TASOR2: variants seen among roughly 807,000 people sequenced by gnomAD.
The protein encoded by TASOR2 is protein TASOR 2.
Under a neutral mutation model 199.5 loss-of-function variants are expected in TASOR2, and 84 were observed. The observed-to-expected ratio is 0.42, with a 90% CI of 0.35 to 0.50. TASOR2 has a LOEUF of 0.50. TASOR2 is among the 20% of genes least tolerant of loss of function. The probability of loss-of-function intolerance (pLI) is 0.02; values close to 1 mark genes in which losing one functional copy is unlikely to be tolerated. For synonymous variants in TASOR2, 1,103 were observed against 1,046.6 expected (o/e 1.05, Z -1.04); for missense variants, 2,796 against 2,835.9 (o/e 0.99, Z 0.32).
chr10:5,739,949 T>G, exon 13 of TASOR2: 1 of 1,614,104 alleles, frequency 6.2e-7, no homozygotes, highest in Non-Finnish European at 8.5e-7. Context: ...CTCAAAAAGG[T>G]GAATTACTAC....
rs760594570 is a variant in TASOR2 at position 5,746,867 on chromosome 10, T to A, written c.3446T>A (p.Val1149Asp). 4.3e-6 allele frequency: 7 copies of A among 1,614,066 alleles called. No individual in the cohort carries two copies. In the South Asian group the frequency reaches 5.5e-5, roughly 13 times the overall value. The change falls in exon 15 of 21, where the codon GTC becomes GAC. Residue 1149 changes from valine to aspartate, a missense_variant. By Grantham distance (152) the Val-to-Asp change is radical (BLOSUM62 -3). Transcript: ENST00000328090. ...TTACAGAAGGAGACGCCCCTTCCAGTCTCTCTACCATCTGATAAAACAATG... is the reference window on the plus strand; with the variant it reads ...TTACAGAAGGAGACGCCCCTTCCAGACTCTCTACCATCTGATAAAACAATG...
intron 2 of TASOR2, among the ~76,000 whole-genome samples, chr10:5,716,236 T>C (rs982567439): frequency 6.6e-6 from 1 of 152,236 alleles, no homozygotes; most frequent in Non-Finnish European, 1.5e-5. Context: ...TATTCTGTTA[T>C]GTGGCCATAC....
intron 15 of TASOR2, 100 bp from the exon 17 acceptor site, chr10:5,756,513 C>T: frequency 8.6e-7 from 1 of 1,156,444 alleles, no homozygotes; most frequent in Non-Finnish European, 1.2e-6. Flanking sequence ...TTTATGGTTG[C>T]CTTATTAGAC....
At position 5,749,621 on chromosome 10, in the gene TASOR2, C is replaced by T. The variant is rs78976120; in HGVS notation, c.6200C>T (p.Ser2067Phe). Residue 2067 changes from serine to phenylalanine, a missense_variant, in exon 15 of 21, where the codon TCC becomes TTC. By Grantham distance (155) the Ser-to-Phe change is radical. This residue lies in a region of TASOR2 where 1,941 missense variants were observed against 1,924.9 expected (regional missense o/e 1.01). Coordinates refer to ENST00000328090, the Ensembl canonical transcript of TASOR2. ...ACAGCCAGCAGTCTGGACAGCTCTT[C>T]CTCTTGGAGAGAGAGATGTAGTCAT... The T allele has an allele frequency of 8.9e-4, 1,429 of 1,614,126 alleles. 8 individuals carry two copies. The African/African-American group carries it at 0.017, about 19-fold the overall frequency.
chr10:5,710,102 T>C lies in TASOR2; in HGVS notation c.-287-2721T>C, dbSNP rs188412068. Among the ~76,000 whole-genome samples, 10 of 152,262 alleles carry C rather than the reference T, an allele frequency of 6.6e-5. No individual in the cohort carries two copies. The highest frequency in any genetic ancestry group is 2.4e-4 in the African/African-American group (10 of 41,562). ...ATGAGACCATTCATTCATAAAGTGT[T>C]TGTATTGTTTGGTGCACTGATTGGA... On this transcript the variant is annotated intron_variant, in intron 1 of 20. Coordinates refer to ENST00000328090, the Ensembl canonical transcript of TASOR2. This position sits in a 1 kb window ranked among gnomAD's most constrained non-coding sequence, Gnocchi z 4.6.
At chr10:5,702,946 G>T (rs1175824070) in intron 1 of TASOR2, among the ~76,000 whole-genome samples, 1 of 152,174 alleles carries the variant, frequency 6.6e-6, no homozygotes, top group Non-Finnish European at 1.5e-5. Flanking sequence ...CCAGAAAATA[G>T]TAGAGGAACT....
At chr10:5,688,409 T>C (rs2131481866) in intron 1 of TASOR2, among the ~76,000 whole-genome samples, 1 of 145,194 alleles carries the variant, frequency 6.9e-6, no homozygotes, top group East Asian at 2.0e-4. Context: ...TTTTTTTTTT[T>C]TTTTTTTTTT....
Position 5,752,106 on chromosome 10 carries a change from C to T in TASOR2, c.6606+2079C>T, listed in dbSNP as rs1423537845. 6.6e-6 allele frequency among the ~76,000 whole-genome samples: 1 copy of T among 152,188 alleles called. No homozygotes were observed. Among genetic ancestry groups the T allele is most frequent in the African/African-American group, 2.4e-5 (1 of 41,444 alleles). ...CGCGGGCCAGCTGCCCTCCCCCTACCCTTGCAGCAGAAAGCTCCATTCAGA... is the reference window on the plus strand; with the variant it reads ...CGCGGGCCAGCTGCCCTCCCCCTACTCTTGCAGCAGAAAGCTCCATTCAGA... On this transcript the variant is annotated intron_variant, in intron 15 of 20. Coordinates refer to ENST00000328090, the Ensembl canonical transcript of TASOR2. This position sits in a 1 kb window ranked among gnomAD's most constrained non-coding sequence, Gnocchi z 4.4.
At chr10:5,721,902 G>A (rs1833404201) in intron 6 of TASOR2, among the ~76,000 whole-genome samples, 1 of 152,154 alleles carries the variant, frequency 6.6e-6, no homozygotes, top group Non-Finnish European at 1.5e-5. Flanking sequence ...GGAGCATTCT[G>A]CAAAATCGTC....
chr10:5,721,536 A>AT (rs879518013), intron 6 of TASOR2, among the ~76,000 whole-genome samples: 318 of 148,082 alleles, frequency 2.1e-3, no homozygotes, highest in Non-Finnish European at 3.4e-3. Context: ...GTGAGGATTC[A>AT]TTTTTTTTTT....
Position 5,763,024 on chromosome 10 carries a change from T to C in TASOR2, c.7290-5T>C. The C allele has an allele frequency of 1.9e-6, 3 of 1,611,760 alleles. No individual in the cohort carries two copies. Among genetic ancestry groups the C allele is most frequent in the Non-Finnish European group, 2.5e-6 (3 of 1,179,096 alleles). Reference sequence around the variant, plus strand: ...AAGTTCTTTATCAATTTTGTGTTTCTTCAGGTGACTCAACTACAGCCTGCC... The same window carrying C: ...AAGTTCTTTATCAATTTTGTGTTTCCTCAGGTGACTCAACTACAGCCTGCC... On this transcript the variant is annotated splice_region_variant and splice_polypyrimidine_tract_variant and intron_variant, in intron 20 of 20. Coordinates refer to ENST00000328090, the Ensembl canonical transcript of TASOR2.
rs1168407830 is a variant in TASOR2 at position 5,699,131 on chromosome 10, A to G, written c.-287-13692A>G. ...AAATGTAGTATATCCACAAAGTGGA[A>G]TATTATTTGGCATAAAAAGGTATGA... On this transcript the variant is annotated intron_variant, in intron 1 of 20. Coordinates refer to ENST00000328090, the Ensembl canonical transcript of TASOR2. This position sits in a 1 kb window ranked among gnomAD's most constrained non-coding sequence, Gnocchi z 4.1. Among the ~76,000 whole-genome samples the G allele has an allele frequency of 1.3e-5, 2 of 152,230 alleles. No homozygotes were observed. The highest frequency in any genetic ancestry group is 1.5e-5 in the Non-Finnish European group (1 of 68,032).
At chr10:5,756,781 T>G in intron 16 of TASOR2, 43 bp downstream of exon 17, 2 of 1,597,248 alleles carry the variant, frequency 1.3e-6, no homozygotes, top group Non-Finnish European at 1.7e-6. Context: ...TCCAGGCACA[T>G]AAGTTGTTCT....
chr10:5,714,310 C>G lies in TASOR2; in HGVS notation c.-192+1392C>G, dbSNP rs538415387. On this transcript the variant is annotated intron_variant, in intron 2 of 20. Coordinates refer to ENST00000328090, the Ensembl canonical transcript of TASOR2. ...AGATATGTATATTAAAAGCCAGTTT[C>G]ATTAAATGTCAAACAGTTCATAATG... 9 of 593,484 alleles carry G rather than the reference C, an allele frequency of 1.5e-5. No individual in the cohort carries two copies. In the African/African-American group the frequency reaches 1.5e-4, roughly 10 times the overall value. The allele number at this position is 593,484 out of a possible 1,614,324, so 36.8% of individuals were successfully genotyped here. A position where few individuals can be genotyped will look rare whatever the true frequency, so the allele number is the denominator to read the frequency against.
chr10:5,731,210 A>T lies in TASOR2; in HGVS notation c.1204+7A>T, dbSNP rs1453754361. ...CCTCAGAAAAGAAAAAGAGGTAAGC[A>T]CGATTTATTTATGTGGGTTATTATA... On this transcript the variant is annotated splice_region_variant and intron_variant, in intron 11 of 20. Transcript: ENST00000328090. 4 of 1,596,954 alleles carry T rather than the reference A, an allele frequency of 2.5e-6. No individual in the cohort carries two copies. The highest frequency in any genetic ancestry group is 3.4e-6 in the Non-Finnish European group (4 of 1,177,686).
In TASOR2 at chr10:5,685,175, G is replaced by A. The variant is rs1835660406; in HGVS notation, c.-288G>A. On this transcript the variant is annotated splice_region_variant and 5_prime_UTR_variant, in exon 1 of 21. Coordinates refer to ENST00000328090, the Ensembl canonical transcript of TASOR2. This position sits in a 1 kb window ranked among gnomAD's most constrained non-coding sequence, Gnocchi z 5.4. ...GGGGGCGGCGGCCACGCCAAGGACG[G>A]GTAAGTCCCTCCTCGGCCTGGGCGC... 5.0e-6 allele frequency: 2 copies of A among 398,056 alleles called. No homozygotes were observed. Among genetic ancestry groups the A allele is most frequent in the Non-Finnish European group, 8.9e-6 (2 of 225,620 alleles). The allele number at this position is 398,056 out of a possible 1,614,324, so 24.7% of individuals were successfully genotyped here.
At chr10:5,723,824 G>A in intron 7 of TASOR2, 47 bp downstream of exon 8, 1 of 1,305,204 alleles carries the variant, frequency 7.7e-7, no homozygotes, top group Middle Eastern at 1.9e-4. Context: ...GCTTTGTTCT[G>A]GTTATTTTCT....
rs1837436729 is a variant in TASOR2 at position 5,747,869 on chromosome 10, T to TA, written c.4450dup (p.Thr1484AsnfsTer2). 1 of 1,613,676 alleles carries TA rather than the reference T, an allele frequency of 6.2e-7. No homozygotes were observed. Among genetic ancestry groups the TA allele is most frequent in the African/African-American group, 1.3e-5 (1 of 74,944 alleles). On this transcript the variant is annotated frameshift_variant, in exon 15 of 21. Coordinates refer to ENST00000328090, the Ensembl canonical transcript of TASOR2. LOFTEE classifies it high-confidence loss of function. ...GTCTCTGCCGAAATGCCTCTAATATTAACTGATCATCCAGGAAGAACAGGT... is the reference window on the plus strand; with the variant it reads ...GTCTCTGCCGAAATGCCTCTAATATTAAACTGATCATCCAGGAAGAACAGGT...
chr10:5,717,127 A>G (rs1832765702), intron 2 of TASOR2, among the ~76,000 whole-genome samples: 1 of 151,850 alleles, frequency 6.6e-6, no homozygotes, highest in Admixed American at 6.6e-5. Context: ...GTGGAAGTAG[A>G]AACTGGATTT....
Sources: allele counts gnomAD v4.1 joint callset (sites outside exome capture counted in the v4.1 genomes callset), GRCh38; gene constraint gnomAD v4.1.1; regional missense constraint gnomAD v4.1.1; non-coding constraint Gnocchi (gnomAD v3.1); transcripts MANE v1.5; gene names NCBI Gene and HGNC (gene_info 2026-07-23, HGNC 2026-07-21).